Variants in DCAF17 observed in about 807,000 individuals in gnomAD.
DCAF17 encodes the protein DDB1- and CUL4-associated factor 17.
Under a neutral mutation model 66.0 loss-of-function variants are expected in DCAF17, and 48 were observed. The observed-to-expected ratio is 0.73, with a 90% CI of 0.58 to 0.92. The LOEUF is 0.92. DCAF17 is among the 40% of genes least tolerant of loss of function. DCAF17 has a pLI of 0.00. For synonymous variants in DCAF17, 206 were observed against 214.6 expected (o/e 0.96, Z 0.35); for missense variants, 562 against 622.8 (o/e 0.90, Z 1.04).
intron 6 of DCAF17, among the ~76,000 whole-genome samples, chr2:171,457,012 C>G (rs1210976260): frequency 6.6e-6 from 1 of 152,180 alleles, no homozygotes; most frequent in Non-Finnish European, 1.5e-5. Context: ...ATTTCCAACA[C>G]ACTGTTGAAT....
At chr2:171,478,248 A>G (rs1176056282) in intron 12 of DCAF17, among the ~76,000 whole-genome samples, 178 bp downstream of exon 12, 5 of 152,170 alleles carry the variant, frequency 3.3e-5, no homozygotes, top group Non-Finnish European at 5.9e-5. Context: ...CTCTCTTTTC[A>G]TATTGTAATT....
At chr2:171,470,875 TG>T (rs1342722621) in intron 9 of DCAF17, among the ~76,000 whole-genome samples, 1 of 152,172 alleles carries the variant, frequency 6.6e-6, no homozygotes, top group East Asian at 1.9e-4. Flanking sequence ...CAACCAACTA[TG>T]GATTGGAAAT....
At chr2:171,479,943 AGTAAT>A in intron 12 of DCAF17, 90 bp from the exon 13 acceptor site, 1 of 1,372,454 alleles carries the variant, frequency 7.3e-7, no homozygotes, top group East Asian at 2.3e-5. Context: ...TATTTTTGTA[AGTAAT>A]AGAATACTTA....
At chr2:171,435,272 T>C (rs1693797322) in intron 2 of DCAF17, 86 bp downstream of exon 2, 2 of 1,008,138 alleles carry the variant, frequency 2.0e-6, no homozygotes, top group Admixed American at 1.8e-5. Flanking sequence ...CCTACATTAG[T>C]GCCTAGTGAA....
intron 6 of DCAF17, among the ~76,000 whole-genome samples, chr2:171,456,906 A>C (rs1695291867): frequency 6.6e-6 from 1 of 152,244 alleles, no homozygotes; most frequent in Admixed American, 6.5e-5. Context: ...TTCTAGATAC[A>C]GGATCATGTC....
At chr2:171,447,163 A>G (rs1361541393) in intron 3 of DCAF17, among the ~76,000 whole-genome samples, 1 of 151,956 alleles carries the variant, frequency 6.6e-6, no homozygotes, top group Non-Finnish European at 1.5e-5. Context: ...TTAGTGGTGT[A>G]TAATGTGTTA....
In DCAF17 at chr2:171,478,216, C is replaced by G. The variant is rs1175817424; in HGVS notation, c.1266+146C>G. On this transcript the variant is annotated intron_variant, in intron 12 of 13. Coordinates refer to ENST00000375255, the MANE Select transcript of DCAF17 (RefSeq NM_025000.4). Reference sequence around the variant, plus strand: ...TTGGGTGGGGTTGCGCATGCTATTTCAACCAGTGCAAACCCATCATCCTCT... The same window carrying G: ...TTGGGTGGGGTTGCGCATGCTATTTGAACCAGTGCAAACCCATCATCCTCT... The G allele has an allele frequency of 1.4e-5, 10 of 717,426 alleles. No individual in the cohort carries two copies. In the East Asian group the frequency reaches 2.4e-4, roughly 17 times the overall value. 44.4% of individuals were successfully genotyped at this position (717,426 alleles called of 1,614,324 possible). A position where few individuals can be genotyped will look rare whatever the true frequency, so the allele number is the denominator to read the frequency against.
intron 5 of DCAF17, among the ~76,000 whole-genome samples, chr2:171,451,941 A>T (rs1694978194): frequency 6.6e-6 from 1 of 152,160 alleles, no homozygotes; most frequent in Non-Finnish European, 1.5e-5. Context: ...AAATCTTGTC[A>T]GTATTTCTAT....
At position 171,444,195 on chromosome 2, in the gene DCAF17, C is replaced by G. The variant is rs184582512; in HGVS notation, c.321+582C>G. 5.3e-3 allele frequency among the ~76,000 whole-genome samples: 810 copies of G among 152,182 alleles called. 5 individuals carry two copies. Among genetic ancestry groups the G allele is most frequent in the Middle Eastern group, 0.01 (3 of 294 alleles). ...GTAAACATATCTATTGATAGAATTA[C>G]TTCTCAGAGCCTTTACTAATAATAA... On this transcript the variant is annotated intron_variant, in intron 3 of 13. Coordinates refer to ENST00000375255, the MANE Select transcript of DCAF17 (RefSeq NM_025000.4).
chr2:171,453,397 A>C (rs1295523118), intron 6 of DCAF17, among the ~76,000 whole-genome samples, 184 bp downstream of exon 6: 1 of 152,172 alleles, frequency 6.6e-6, no homozygotes, highest in Non-Finnish European at 1.5e-5. Flanking sequence ...ATCTTTCTGC[A>C]TGTTTTTATG....
chr2:171,485,030 C>T lies in DCAF17; in HGVS notation c.*3916C>T. ...TTGTTTTTTACTGTTATGAATAAAG[C>T]TGCTATGAACATTCTTAGACAATTC... On this transcript the variant is annotated 3_prime_UTR_variant, in exon 14 of 14. Coordinates refer to ENST00000375255, the MANE Select transcript of DCAF17 (RefSeq NM_025000.4). 2.2e-6 allele frequency: 1 copy of T among 453,318 alleles called. No homozygotes were observed. Among genetic ancestry groups the T allele is most frequent in the Non-Finnish European group, 4.4e-6 (1 of 226,660 alleles). The allele number at this position is 453,318 out of a possible 1,614,324, so 28.1% of individuals were successfully genotyped here. A position where few individuals can be genotyped will look rare whatever the true frequency, so the allele number is the denominator to read the frequency against.
Position 171,481,924 on chromosome 2 carries a change from C to T in DCAF17, c.*810C>T. ...ATCTTGTTTAGGCAATATTTGCATACTTATGCAATAAGATAAAGGTACCCT... is the reference window on the plus strand; with the variant it reads ...ATCTTGTTTAGGCAATATTTGCATATTTATGCAATAAGATAAAGGTACCCT... On this transcript the variant is annotated 3_prime_UTR_variant, in exon 14 of 14. Coordinates refer to ENST00000375255, the MANE Select transcript of DCAF17 (RefSeq NM_025000.4). 4 of 454,014 alleles carry T rather than the reference C, an allele frequency of 8.8e-6. No individual in the cohort carries two copies. Among genetic ancestry groups the T allele is most frequent in the South Asian group, 6.2e-5 (4 of 64,470 alleles). 28.1% of individuals were successfully genotyped at this position (454,014 alleles called of 1,614,324 possible).
In DCAF17 at chr2:171,481,322, G is replaced by A. The variant is rs963898465; in HGVS notation, c.*208G>A. On this transcript the variant is annotated 3_prime_UTR_variant, in exon 14 of 14. Transcript: ENST00000375255. ...TTTTTTAAAGGTTTTTTAGAATACT[G>A]TTCCAAGAAGTTTAGTGTTTTGCAG... 1 of 656,590 alleles carries A rather than the reference G, an allele frequency of 1.5e-6. No individual in the cohort carries two copies. The highest frequency in any genetic ancestry group is 2.8e-6 in the Non-Finnish European group (1 of 363,398). The allele number at this position is 656,590 out of a possible 1,614,324, so 40.7% of individuals were successfully genotyped here. A position where few individuals can be genotyped will look rare whatever the true frequency, so the allele number is the denominator to read the frequency against.
intron 8 of DCAF17, among the ~76,000 whole-genome samples, chr2:171,459,636 A>AT (rs1695460904): frequency 6.6e-6 from 1 of 152,170 alleles, no homozygotes; most frequent in South Asian, 2.1e-4. Flanking sequence ...TAAGATAAGA[A>AT]TTTTTTCTAT....
chr2:171,448,313 G>A (rs558583535), intron 3 of DCAF17, among the ~76,000 whole-genome samples: 3 of 152,090 alleles, frequency 2.0e-5, no homozygotes, highest in South Asian at 2.1e-4. Flanking sequence ...ACTCTTAATC[G>A]CTATGCTATA....
At chr2:171,437,266 G>A (rs2105719987) in intron 2 of DCAF17, among the ~76,000 whole-genome samples, 1 of 152,158 alleles carries the variant, frequency 6.6e-6, no homozygotes, top group Non-Finnish European at 1.5e-5. Flanking sequence ...TTTAGTATAG[G>A]GTATAAGGTA....
At chr2:171,463,798 T>A (rs1695736475) in intron 8 of DCAF17, among the ~76,000 whole-genome samples, 1 of 152,144 alleles carries the variant, frequency 6.6e-6, no homozygotes, top group Non-Finnish European at 1.5e-5. Context: ...CTTCAATAGC[T>A]GGCATTTTTC....
chr2:171,481,970 C>T lies in DCAF17; in HGVS notation c.*856C>T. 1 of 453,960 alleles carries T rather than the reference C, an allele frequency of 2.2e-6. No homozygotes were observed. Among genetic ancestry groups the T allele is most frequent in the Non-Finnish European group, 4.4e-6 (1 of 226,736 alleles). The allele number at this position is 453,960 out of a possible 1,614,324, so 28.1% of individuals were successfully genotyped here. ...ACCCTTGCCTGCAGTAGTTCTGTTT[C>T]CTGTAGAAAAGTGGATAAAGAGTCC... On this transcript the variant is annotated 3_prime_UTR_variant, in exon 14 of 14. Coordinates refer to ENST00000375255, the MANE Select transcript of DCAF17 (RefSeq NM_025000.4).
At chr2:171,454,921 T>TCTTCTTTTA (rs1437261533) in intron 6 of DCAF17, among the ~76,000 whole-genome samples, 1 of 151,966 alleles carries the variant, frequency 6.6e-6, no homozygotes, top group Non-Finnish European at 1.5e-5. Flanking sequence ...GTCCTCTTTT[T>TCTTCTTTTA]CTTCTTTTAC....
Sources: gnomAD v4.1 joint callset for allele counts (sites outside exome capture counted in the v4.1 genomes callset) on GRCh38, gnomAD v4.1.1 for gene constraint, MANE v1.5 for transcripts, NCBI Gene and HGNC (gene_info 2026-07-23, HGNC 2026-07-21) for gene names.